Variants in DTNA observed in about 807,000 individuals in gnomAD.
DTNA encodes the protein dystrophin-related protein 3.
A neutral mutation model predicts 100.7 loss-of-function variants in DTNA; 43 were observed. The observed-to-expected ratio is 0.43, with a 90% CI of 0.33 to 0.55. DTNA has a LOEUF of 0.55. DTNA is among the 20% of genes least tolerant of loss of function. The pLI, the probability that DTNA is intolerant of heterozygous loss-of-function variation, is 0.04. For synonymous variants in DTNA, 349 were observed against 347.9 expected (o/e 1.00, Z -0.04); for missense variants, 798 against 953.9 (o/e 0.84, Z 2.15).
intron 3 of DTNA, among the ~76,000 whole-genome samples, chr18:34,776,919 C>T (rs987748835): frequency 1.3e-5 from 2 of 152,208 alleles, no homozygotes; most frequent in Non-Finnish European, 2.9e-5. Flanking sequence ...CCGCATAGGG[C>T]CTTAGCACTG....
intron 17 of DTNA, among the ~76,000 whole-genome samples, chr18:34,872,741 G>A (rs1305907178): frequency 6.6e-6 from 1 of 152,210 alleles, no homozygotes. Context: ...GGAAGCCCTA[G>A]GACGCTGCTC....
intron 1 of DTNA, among the ~76,000 whole-genome samples, chr18:34,589,146 G>A (rs886983191): frequency 2.6e-5 from 4 of 151,736 alleles, no homozygotes; most frequent in African/African-American, 9.7e-5. Flanking sequence ...AAGTTTATTG[G>A]CATTTAATAG....
In DTNA at chr18:34,561,905, G is replaced by A. The variant is rs184768393; in HGVS notation, c.-2+68391G>A. On this transcript the variant is annotated intron_variant, in intron 1 of 19. Coordinates refer to the DTNA transcript ENST00000283365. ...ACTTTTATCTACTTATACTTGTGCC[G>A]ACGGAAAGTGAGAATGTTGTACCAT... 3.9e-5 allele frequency among the ~76,000 whole-genome samples: 6 copies of A among 152,120 alleles called. No individual in the cohort carries two copies. The East Asian group carries it at 9.7e-4, about 25-fold the overall frequency.
intron 1 of DTNA, among the ~76,000 whole-genome samples, chr18:34,580,974 G>A (rs779679254): frequency 2.6e-5 from 4 of 152,134 alleles, no homozygotes; most frequent in East Asian, 1.9e-4. Context: ...GGCTGGGCGC[G>A]GTGGCTCACG....
chr18:34,538,116 G>A (rs776145222), intron 1 of DTNA, among the ~76,000 whole-genome samples: 79 of 151,968 alleles, frequency 5.2e-4, no homozygotes, highest in Non-Finnish European at 4.9e-4. Flanking sequence ...GCTACGCTCC[G>A]CAAAATGGTA....
At chr18:34,866,615 T>G in intron 17 of DTNA, 1 of 1,009,830 alleles carries the variant, frequency 9.9e-7, no homozygotes, top group Non-Finnish European at 1.2e-6. Context: ...AAACCTCTTT[T>G]TATAAAAATC....
chr18:34,735,098 A>G (rs1389318357), intron 1 of DTNA, among the ~76,000 whole-genome samples: 1 of 152,156 alleles, frequency 6.6e-6, no homozygotes, highest in Non-Finnish European at 1.5e-5. Flanking sequence ...ACTCACATAT[A>G]TATACATGTG....
intron 1 of DTNA, among the ~76,000 whole-genome samples, chr18:34,653,415 C>A (rs2144060732): frequency 6.6e-6 from 1 of 151,806 alleles, no homozygotes; most frequent in African/African-American, 2.4e-5. Flanking sequence ...GAATTGAATT[C>A]TGCTTGTCTC....
At chr18:34,835,189 AT>A (rs2096113056) in intron 11 of DTNA, among the ~76,000 whole-genome samples, 1 of 152,230 alleles carries the variant, frequency 6.6e-6, no homozygotes, top group Admixed American at 6.5e-5. Flanking sequence ...TACAGAAACT[AT>A]GTGAACAGTG....
In DTNA at chr18:34,820,789, A is replaced by G; in HGVS notation, c.877-2A>G. The stretch of plus-strand genomic sequence containing the variant: ...CACTTCTGCCTTCCTTCTTCTTTCC[A>G]GAAATCACCTGCTAAGAAGCTGACT... On this transcript the variant is annotated splice_acceptor_variant, in intron 8 of 22. Coordinates refer to ENST00000444659, the MANE Select transcript of DTNA (RefSeq NM_001386795.1). LOFTEE classifies it high-confidence loss of function. The G allele has an allele frequency of 1.2e-6, 2 of 1,614,186 alleles. No individual in the cohort carries two copies. The highest frequency in any genetic ancestry group is 1.7e-6 in the Non-Finnish European group (2 of 1,180,012).
intron 22 of DTNA, among the ~76,000 whole-genome samples, 161 bp from the exon 23 acceptor site, chr18:34,887,605 A>C (rs1268203625): frequency 1.3e-5 from 2 of 152,024 alleles, no homozygotes; most frequent in Admixed American, 1.3e-4. Context: ...TAGGACTTTC[A>C]TTCCTGATTG....
chr18:34,653,855 C>G (rs548917355), intron 1 of DTNA, among the ~76,000 whole-genome samples: 102 of 152,192 alleles, frequency 6.7e-4, no homozygotes, highest in Admixed American at 1.6e-3. Flanking sequence ...AAAAATACCA[C>G]TGAGGAATCC....
chr18:34,527,059 A>G (rs1485268047), intron 1 of DTNA, among the ~76,000 whole-genome samples: 1 of 152,012 alleles, frequency 6.6e-6, no homozygotes, highest in Non-Finnish European at 1.5e-5. Context: ...GCATTCGACA[A>G]TCATTTTCTT....
At chr18:34,830,552 C>T (rs2095982239) in intron 11 of DTNA, among the ~76,000 whole-genome samples, 1 of 152,146 alleles carries the variant, frequency 6.6e-6, no homozygotes, top group African/African-American at 2.4e-5. Flanking sequence ...CATCATCTGT[C>T]GCATTCCCTG....
chr18:34,560,331 A>G (rs1281169793), intron 1 of DTNA, among the ~76,000 whole-genome samples: 1 of 152,230 alleles, frequency 6.6e-6, no homozygotes, highest in Non-Finnish European at 1.5e-5. Flanking sequence ...TATTTGTTGA[A>G]TAATTGAATG....
chr18:34,638,378 T>TA (rs2058883982), intron 1 of DTNA, among the ~76,000 whole-genome samples: 1 of 152,220 alleles, frequency 6.6e-6, no homozygotes, highest in Non-Finnish European at 1.5e-5. Context: ...TTCCGTGTTA[T>TA]AGAAGAGGAA....
At chr18:34,618,143 A>G (rs189178566) in intron 1 of DTNA, among the ~76,000 whole-genome samples, 2 of 152,172 alleles carry the variant, frequency 1.3e-5, no homozygotes, top group African/African-American at 4.8e-5. Context: ...GTCTAGAGAG[A>G]TTAACTTTGT....
chr18:34,585,284 T>A (rs1023886628), intron 1 of DTNA, among the ~76,000 whole-genome samples: 4 of 152,068 alleles, frequency 2.6e-5, no homozygotes, highest in Non-Finnish European at 5.9e-5. Flanking sequence ...ACTAACATAT[T>A]TGACTGTATT....
chr18:34,797,584 C>T (rs1236468886), intron 4 of DTNA, among the ~76,000 whole-genome samples: 1 of 152,154 alleles, frequency 6.6e-6, no homozygotes, highest in Non-Finnish European at 1.5e-5. Context: ...GGGGAAAACT[C>T]TTTGAAGTCT....
Sources: allele counts gnomAD v4.1 joint callset (sites outside exome capture counted in the v4.1 genomes callset), GRCh38; gene constraint gnomAD v4.1.1; transcripts MANE v1.5; gene names NCBI Gene and HGNC (gene_info 2026-07-23, HGNC 2026-07-21).